Variants in PPARGC1A observed in about 807,000 individuals in gnomAD.
PPARGC1A encodes PPARG coactivator 1 alpha, also known as peroxisome proliferator-activated receptor gamma coactivator 1-alpha.
Under a neutral mutation model 88.7 loss-of-function variants are expected in PPARGC1A, and 25 were observed. The ratio of observed to expected loss-of-function variants is 0.28; its 90% CI spans 0.21 to 0.39. The LOEUF (loss-of-function observed/expected upper bound fraction) is 0.39. PPARGC1A is among the 10% of genes least tolerant of loss of function. The pLI is 1.00. For synonymous variants in PPARGC1A, 363 were observed against 355.6 expected (o/e 1.02, Z -0.24); for missense variants, 880 against 968.7 (o/e 0.91, Z 1.22).
At chr4:24,299,135 A>C in the PPARGC1A span, among the ~76,000 whole-genome samples, 2 of 152,194 alleles carry the variant, frequency 1.3e-5, no homozygotes, top group Admixed American at 6.6e-5. Flanking sequence ...AGCCAGATAC[A>C]CAGATTGAAC....
At chr4:24,042,334 C>G in the PPARGC1A span, among the ~76,000 whole-genome samples, 1 of 152,144 alleles carries the variant, frequency 6.6e-6, no homozygotes, top group African/African-American at 2.4e-5. Context: ...ACAAATTCCA[C>G]TTCAAATAGT....
chr4:24,283,918 A>G, the PPARGC1A span, among the ~76,000 whole-genome samples: 1 of 152,326 alleles, frequency 6.6e-6, no homozygotes, highest in East Asian at 1.9e-4. Context: ...TAAGCATTGC[A>G]TATCAGTATT....
chr4:24,192,834 G>A, the PPARGC1A span, among the ~76,000 whole-genome samples: 1 of 152,112 alleles, frequency 6.6e-6, no homozygotes, highest in Non-Finnish European at 1.5e-5. Context: ...TTATGCCTCT[G>A]CAAAAATATT....
the PPARGC1A span, among the ~76,000 whole-genome samples, chr4:24,318,957 AG>A: frequency 2.0e-5 from 3 of 152,196 alleles, no homozygotes; most frequent in African/African-American, 4.8e-5. Context: ...CTGTAGTTGG[AG>A]GATAACAGGG....
At chr4:23,918,104 C>G in the PPARGC1A span, among the ~76,000 whole-genome samples, 7 of 152,160 alleles carry the variant, frequency 4.6e-5, no homozygotes, top group Non-Finnish European at 7.3e-5. Context: ...TACAATTAGC[C>G]CCTCTGTGAG....
chr4:24,366,998 A>G, the PPARGC1A span, among the ~76,000 whole-genome samples: 1 of 152,186 alleles, frequency 6.6e-6, no homozygotes, highest in Non-Finnish European at 1.5e-5. Context: ...AAAAAACACA[A>G]AGCTGTATGT....
chr4:23,952,354 T>C, the PPARGC1A span, among the ~76,000 whole-genome samples: 1 of 152,136 alleles, frequency 6.6e-6, no homozygotes, highest in Non-Finnish European at 1.5e-5. Context: ...TTTTACCTGC[T>C]GGCTTCCTGA....
the PPARGC1A span, among the ~76,000 whole-genome samples, chr4:24,367,282 C>T: frequency 5.9e-3 from 898 of 152,280 alleles, 24 homozygotes; most frequent in East Asian, 0.064. Flanking sequence ...GAGAAATGTA[C>T]ACTAAATAGC....
the PPARGC1A span, among the ~76,000 whole-genome samples, chr4:24,190,935 G>A: frequency 1.5e-3 from 163 of 108,154 alleles, no homozygotes; most frequent in African/African-American, 4.6e-3. Flanking sequence ...GAGAAAGAAG[G>A]CTCCTGCAGG....
chr4:24,196,454 C>T, the PPARGC1A span, among the ~76,000 whole-genome samples: 3 of 152,126 alleles, frequency 2.0e-5, no homozygotes, highest in African/African-American at 7.2e-5. Flanking sequence ...GTAATTATAC[C>T]GTAATGCAGA....
At chr4:24,447,285 T>C in the PPARGC1A span, among the ~76,000 whole-genome samples, 1 of 152,124 alleles carries the variant, frequency 6.6e-6, no homozygotes, top group South Asian at 2.1e-4. Context: ...CAAGGGACCA[T>C]CATCACCAAC....
At chr4:24,297,867 C>A in the PPARGC1A span, among the ~76,000 whole-genome samples, 2 of 152,128 alleles carry the variant, frequency 1.3e-5, no homozygotes, top group Non-Finnish European at 2.9e-5. Flanking sequence ...CTGGGTCAAT[C>A]GGGTTTTTTG....
chr4:24,389,950 T>C, the PPARGC1A span, among the ~76,000 whole-genome samples: 2 of 152,150 alleles, frequency 1.3e-5, no homozygotes, highest in African/African-American at 4.8e-5. Flanking sequence ...GGGGAAAAAC[T>C]AGTTGAGAGT....
chr4:24,155,849 G>A, the PPARGC1A span, among the ~76,000 whole-genome samples: 2 of 152,054 alleles, frequency 1.3e-5, no homozygotes, highest in African/African-American at 4.8e-5. Context: ...CACCCAAGTG[G>A]GCAGATGCAA....
At chr4:24,070,048 A>G in the PPARGC1A span, among the ~76,000 whole-genome samples, 3 of 152,182 alleles carry the variant, frequency 2.0e-5, no homozygotes, top group East Asian at 3.9e-4. Context: ...GGGATTTTAT[A>G]TAACAGATAC....
At chr4:24,422,456 C>G in the PPARGC1A span, among the ~76,000 whole-genome samples, 1 of 152,192 alleles carries the variant, frequency 6.6e-6, no homozygotes, top group East Asian at 1.9e-4. Context: ...TTATTAACCT[C>G]TTTCCCATGA....
At chr4:24,314,642 T>A in the PPARGC1A span, among the ~76,000 whole-genome samples, 2 of 152,226 alleles carry the variant, frequency 1.3e-5, no homozygotes, top group African/African-American at 4.8e-5. Flanking sequence ...TATGACAAAA[T>A]GTTAACAATG....
the PPARGC1A span, among the ~76,000 whole-genome samples, chr4:24,118,915 T>A: frequency 1.3e-5 from 2 of 151,176 alleles, no homozygotes; most frequent in Non-Finnish European, 2.9e-5. Context: ...GAAAAAAAAA[T>A]GTCAATGCAA....
chr4:23,920,689 T>C, the PPARGC1A span, among the ~76,000 whole-genome samples: 1 of 152,256 alleles, frequency 6.6e-6, no homozygotes, highest in East Asian at 1.9e-4. Context: ...CCCAGCTCTA[T>C]AATCCTCACC....
Sources: gnomAD v4.1 joint callset for allele counts (sites outside exome capture counted in the v4.1 genomes callset) on GRCh38, gnomAD v4.1.1 for gene constraint, MANE v1.5 for transcripts, NCBI Gene and HGNC (gene_info 2026-07-23, HGNC 2026-07-21) for gene names.